Variants in RHOU observed in about 807,000 individuals in gnomAD.
RHOU encodes the protein rho-related GTP-binding protein RhoU.
RHOU carries 8 observed loss-of-function variants against 12.6 expected under a neutral mutation model. The observed-to-expected ratio is 0.64, with a 90% CI of 0.37 to 1.15. The LOEUF is 1.15. Ranked by LOEUF, RHOU falls within the 50% of genes most tolerant of loss-of-function variation. The pLI is 0.01. For synonymous variants in RHOU, 161 were observed against 147.4 expected (o/e 1.09, Z -0.67); for missense variants, 258 against 347.0 (o/e 0.74, Z 2.04).
At chr1:228,661,330 A>T in the RHOU span, among the ~76,000 whole-genome samples, 2 of 152,324 alleles carry the variant, frequency 1.3e-5, no homozygotes, top group Admixed American at 1.3e-4. Context: ...GGAAAAAACT[A>T]CTTTAAAGTT....
the RHOU span, among the ~76,000 whole-genome samples, chr1:228,702,314 A>C: frequency 2.0e-5 from 3 of 152,180 alleles, no homozygotes; most frequent in Non-Finnish European, 2.9e-5. Flanking sequence ...TAGGATGGCT[A>C]TAAGGGGAGG....
rs886314563 is a variant in RHOU, at chr1:228,744,738, T to C, written c.*998T>C. 3 of 152,158 alleles carry C rather than the reference T, an allele frequency of 2.0e-5. No individual in the cohort carries two copies. The highest frequency in any genetic ancestry group is 2.0e-4 in the Admixed American group (3 of 15,286). The allele number at this position is 152,158 out of a possible 1,614,324, so 9.4% of individuals were successfully genotyped here. A position where few individuals can be genotyped will look rare whatever the true frequency, so the allele number is the denominator to read the frequency against. The stretch of plus-strand genomic sequence containing the variant: ...AAGTCGGCCAAGATGTACTTCTCTG[T>C]GTGCACACCCATGCACACTCATGCA... On this transcript the variant is annotated 3_prime_UTR_variant, in exon 3 of 3. Transcript: ENST00000366691.
At chr1:228,680,386 G>A in the RHOU span, among the ~76,000 whole-genome samples, 240 of 152,306 alleles carry the variant, frequency 1.6e-3, no homozygotes, top group Middle Eastern at 3.4e-3. Context: ...CAGTGGCCAG[G>A]CTTTTGGCAT....
the RHOU span, among the ~76,000 whole-genome samples, chr1:228,656,335 A>G: frequency 6.6e-6 from 1 of 152,084 alleles, no homozygotes; most frequent in Non-Finnish European, 1.5e-5. Context: ...ATTTTCTTTT[A>G]GATTACTTCT....
the RHOU span, among the ~76,000 whole-genome samples, chr1:228,685,578 C>T: frequency 2.0e-5 from 3 of 152,032 alleles, no homozygotes; most frequent in African/African-American, 7.3e-5. Flanking sequence ...GCATTTGGAG[C>T]CAGAGAATGA....
chr1:228,707,093 CATATATACATACATATATATAT>C, the RHOU span, among the ~76,000 whole-genome samples: 10 of 101,748 alleles, frequency 9.8e-5, no homozygotes, highest in Non-Finnish European at 1.7e-4. Flanking sequence ...ACCTTTAGGA[CATATATACATACATATATATAT>C]ATATATATAT....
chr1:228,649,331 A>C, the RHOU span, among the ~76,000 whole-genome samples: 1 of 152,194 alleles, frequency 6.6e-6, no homozygotes. Context: ...AGGTTCTCTA[A>C]ATGTGCTTTC....
Position 228,743,272 on chromosome 1 carries a change from T to C in RHOU, c.322-13T>C, listed in dbSNP as rs760867756. 1 of 1,608,372 alleles carries C rather than the reference T, an allele frequency of 6.2e-7. No individual in the cohort carries two copies. The highest frequency in any genetic ancestry group is 2.2e-5 in the East Asian group (1 of 44,758). On this transcript the variant is annotated splice_polypyrimidine_tract_variant and intron_variant, in intron 2 of 2. Transcript: ENST00000366691. This position sits in a 1 kb window ranked among gnomAD's most constrained non-coding sequence, Gnocchi z 5.1. ...ATGAAAACATAACTTTTGGGTACTT[T>C]GCTTGGTTGCAGGATGAATTTGACA...
At chr1:228,741,453 A>T (rs1662719419) in intron 2 of RHOU, among the ~76,000 whole-genome samples, 1 of 152,142 alleles carries the variant, frequency 6.6e-6, no homozygotes, top group Admixed American at 6.5e-5. Flanking sequence ...TCAGTAATGC[A>T]ACCCCAGATA....
the RHOU span, among the ~76,000 whole-genome samples, chr1:228,682,111 T>C: frequency 2.6e-5 from 4 of 152,148 alleles, no homozygotes; most frequent in Non-Finnish European, 5.9e-5. Flanking sequence ...ATGTGTCTCG[T>C]TTGTCTCTAT....
chr1:228,708,473 T>A, the RHOU span, among the ~76,000 whole-genome samples: 1 of 151,090 alleles, frequency 6.6e-6, no homozygotes, highest in Non-Finnish European at 1.5e-5. Flanking sequence ...GCAGAAACTC[T>A]ACAAGCCAGA....
At chr1:228,674,965 G>A in the RHOU span, among the ~76,000 whole-genome samples, 8 of 152,056 alleles carry the variant, frequency 5.3e-5, no homozygotes, top group Middle Eastern at 3.4e-3. Flanking sequence ...TCCTGACCTC[G>A]TGATCCGCCC....
chr1:228,713,453 T>G, the RHOU span, among the ~76,000 whole-genome samples: 1 of 152,166 alleles, frequency 6.6e-6, no homozygotes, highest in Non-Finnish European at 1.5e-5. Flanking sequence ...TGTACTATCC[T>G]TTTTTTGTTT....
At chr1:228,742,279 G>A (rs1228118301) in intron 2 of RHOU, among the ~76,000 whole-genome samples, 1 of 152,208 alleles carries the variant, frequency 6.6e-6, no homozygotes, top group South Asian at 2.1e-4. Context: ...TGGTAATTTG[G>A]AGAACAACAT....
At chr1:228,646,833 C>T in the RHOU span, among the ~76,000 whole-genome samples, 2 of 151,952 alleles carry the variant, frequency 1.3e-5, no homozygotes, top group Non-Finnish European at 2.9e-5. Context: ...AACACAGACA[C>T]ACACGGCTTG....
chr1:228,718,366 C>T, the RHOU span, among the ~76,000 whole-genome samples: 1 of 152,104 alleles, frequency 6.6e-6, no homozygotes, highest in Non-Finnish European at 1.5e-5. Flanking sequence ...TCTATTGCCA[C>T]CTAAAAAATT....
At chr1:228,669,155 G>T in the RHOU span, among the ~76,000 whole-genome samples, 1 of 152,200 alleles carries the variant, frequency 6.6e-6, no homozygotes, top group Non-Finnish European at 1.5e-5. Context: ...GTAGTACACT[G>T]GACTTGAACT....
At chr1:228,733,816 G>C (rs1273354802), upstream of RHOU, among the ~76,000 whole-genome samples, 1 of 152,194 alleles carries the variant, frequency 6.6e-6, no homozygotes, top group African/African-American at 2.4e-5. Context: ...ATCTACATAG[G>C]AGAACTGTAA....
At chr1:228,655,461 G>A in the RHOU span, among the ~76,000 whole-genome samples, 1 of 152,090 alleles carries the variant, frequency 6.6e-6, no homozygotes, top group African/African-American at 2.4e-5. Context: ...ACAAATTTAT[G>A]CAAAAGTGCA....
Sources: allele counts gnomAD v4.1 joint callset (sites outside exome capture counted in the v4.1 genomes callset), GRCh38; gene constraint gnomAD v4.1.1; non-coding constraint Gnocchi (gnomAD v3.1); transcripts MANE v1.5; gene names NCBI Gene and HGNC (gene_info 2026-07-23, HGNC 2026-07-21).